ABI1: variants seen among roughly 807,000 people sequenced by gnomAD.
ABI1 encodes the protein abl interactor 1, also known as Abelson interactor 1.
Under a neutral mutation model 54.6 loss-of-function variants are expected in ABI1, and 14 were observed. That is an observed-to-expected ratio of 0.26 (90% CI 0.17 to 0.40). The LOEUF is 0.40. Ranked by LOEUF, ABI1 falls within the 10% of genes least tolerant of loss-of-function variation. The pLI, the probability that ABI1 is intolerant of heterozygous loss-of-function variation, is 1.00. For synonymous variants in ABI1, 194 were observed against 209.3 expected (o/e 0.93, Z 0.63); for missense variants, 443 against 598.3 (o/e 0.74, Z 2.71).
chr10:26,764,467 T>G lies in ABI1; in HGVS notation c.820+751A>C, dbSNP rs1399828474. On this transcript the variant is annotated intron_variant, in intron 7 of 10. Coordinates refer to ENST00000376140, the MANE Select transcript of ABI1 (RefSeq NM_001012750.3). ...AATAAGCAAACACCAGAGTAGATAC[T>G]GGCCTGTAAAGCAACATTAAAACTC... Among the ~76,000 whole-genome samples the G allele has an allele frequency of 2.0e-5, 3 of 152,318 alleles. No homozygotes were observed. The East Asian group carries it at 5.8e-4, about 29-fold the overall frequency.
intron 9 of ABI1, among the ~76,000 whole-genome samples, chr10:26,754,173 CTATT>C (rs754005525): frequency 4.4e-4 from 67 of 152,202 alleles, no homozygotes; most frequent in African/African-American, 9.4e-4. Context: ...TTTTTGCACT[CTATT>C]TATTTTTGCA....
intron 1 of ABI1, among the ~76,000 whole-genome samples, chr10:26,831,733 A>C (rs1355451834): frequency 3.1e-5 from 1 of 31,930 alleles, no homozygotes; most frequent in Non-Finnish European, 4.5e-5. Flanking sequence ...GGTATCTTGT[A>C]AAAAAAATCC....
chr10:26,816,040 G>A (rs137956715), intron 2 of ABI1, among the ~76,000 whole-genome samples: 6 of 152,290 alleles, frequency 3.9e-5, no homozygotes, highest in Admixed American at 1.3e-4. Flanking sequence ...GTTACCAATC[G>A]TGTCTTTGTT....
rs577319053 is a variant in ABI1 at position 26,824,250 on chromosome 10, A to T, written c.118-945T>A. On this transcript the variant is annotated intron_variant, in intron 1 of 10. Transcript: ENST00000376140. ...TTTCTCATTCACCCAAATGACAAAT[A>T]TACAAAAGTCTGACAAGACACTCAG... is the stretch of plus-strand genomic sequence containing the variant. 1.6e-4 allele frequency among the ~76,000 whole-genome samples: 24 copies of T among 152,364 alleles called. 1 individual carries two copies. Among genetic ancestry groups the T allele is most frequent in the South Asian group, 1.2e-3 (6 of 4,826 alleles).
At chr10:26,765,349 C>CA in intron 6 of ABI1, 31 bp from the exon 7 acceptor site, 1 of 1,478,526 alleles carries the variant, frequency 6.8e-7, no homozygotes, top group East Asian at 2.3e-5. Context: ...TGTGAAAAAC[C>CA]AATTCTAGAG....
At chr10:26,821,948 G>T (rs1038436646) in intron 2 of ABI1, among the ~76,000 whole-genome samples, 1 of 152,028 alleles carries the variant, frequency 6.6e-6, no homozygotes, top group Non-Finnish European at 1.5e-5. Context: ...TATCCACAAA[G>T]GAAATTAAAT....
intron 2 of ABI1, among the ~76,000 whole-genome samples, chr10:26,809,743 G>A (rs188818158): frequency 3.3e-5 from 5 of 152,218 alleles, no homozygotes; most frequent in Non-Finnish European, 1.5e-5. Context: ...CAAAAACTGT[G>A]AGAAAACAGC....
At position 26,823,146 on chromosome 10, in the gene ABI1, T is replaced by C. The variant is rs780341943; in HGVS notation, c.277A>G (p.Ile93Val). 6.3e-7 allele frequency: 1 copy of C among 1,596,436 alleles called. No individual in the cohort carries two copies. Among genetic ancestry groups the C allele is most frequent in the Non-Finnish European group, 8.5e-7 (1 of 1,174,944 alleles). ...LRRMESSINH[I>V]SQTVDIHKEK... ...ATTTTATAAGCTGTTACCTGTGAGA[T>C]ATGATTGATGGAAGACTCCATTCTC... Residue 93 changes from isoleucine to valine, a missense_variant, in exon 2 of 11, where the codon ATC becomes GTC. Physicochemically the swap from Ile to Val is conservative, Grantham distance 29. This residue lies in a region of ABI1 where 394 missense variants were observed against 484.8 expected (regional missense o/e 0.81). Transcript: ENST00000376140.
chr10:26,817,757 C>T (rs1315870489), intron 2 of ABI1, among the ~76,000 whole-genome samples: 3 of 152,130 alleles, frequency 2.0e-5, no homozygotes, highest in African/African-American at 7.2e-5. Flanking sequence ...GCAAAAATCT[C>T]TTTTAGATAT....
At chr10:26,770,557 A>T in intron 4 of ABI1, 1 of 720,738 alleles carries the variant, frequency 1.4e-6, no homozygotes, top group Non-Finnish European at 2.6e-6. Context: ...CATTGTAGCC[A>T]AATACAGGTG....
At chr10:26,845,146 T>TTA (rs780371926) in intron 1 of ABI1, among the ~76,000 whole-genome samples, 1 of 146,182 alleles carries the variant, frequency 6.8e-6, no homozygotes, top group Non-Finnish European at 1.5e-5. Context: ...CTAAATGCTT[T>TTA]AAAAAAAAAA....
intron 1 of ABI1, among the ~76,000 whole-genome samples, chr10:26,826,670 G>A (rs1013835399): frequency 1.3e-5 from 2 of 152,146 alleles, no homozygotes; most frequent in Admixed American, 6.5e-5. Context: ...AGCAACCTTC[G>A]ATAATCTTAG....
intron 1 of ABI1, among the ~76,000 whole-genome samples, chr10:26,828,644 T>C (rs1056586967): frequency 1.3e-5 from 2 of 152,228 alleles, no homozygotes; most frequent in African/African-American, 4.8e-5. Context: ...GAAACCACTC[T>C]ACAAGTGGCT....
intron 1 of ABI1, among the ~76,000 whole-genome samples, chr10:26,857,848 C>CAAAA (rs1168285053): frequency 5.0e-5 from 5 of 100,178 alleles, no homozygotes; most frequent in Non-Finnish European, 9.8e-5. Flanking sequence ...AAGTCTGTCT[C>CAAAA]AAAAAAAAAA....
intron 1 of ABI1, among the ~76,000 whole-genome samples, chr10:26,837,711 T>G (rs1291428810): frequency 6.6e-6 from 1 of 152,060 alleles, no homozygotes; most frequent in Admixed American, 6.5e-5. Context: ...GCCTCCCAGT[T>G]TCAAGCAATT....
chr10:26,753,003 A>G (rs1489974853), intron 9 of ABI1, among the ~76,000 whole-genome samples: 1 of 152,124 alleles, frequency 6.6e-6, no homozygotes. Flanking sequence ...GTGATCAAAG[A>G]AATCAGCCAT....
intron 2 of ABI1, among the ~76,000 whole-genome samples, chr10:26,786,175 T>C (rs970044034): frequency 6.6e-6 from 1 of 152,106 alleles, no homozygotes; most frequent in Non-Finnish European, 1.5e-5. Flanking sequence ...TTCATTGATG[T>C]TACAAAACGT....
At chr10:26,855,105 C>T (rs893449777) in intron 1 of ABI1, among the ~76,000 whole-genome samples, 2 of 152,078 alleles carry the variant, frequency 1.3e-5, no homozygotes, top group African/African-American at 2.4e-5. Flanking sequence ...TGCAAACATT[C>T]CAAAATTCAA....
rs763290389 is a variant in ABI1, at chr10:26,771,098, T to A, written c.463-9A>T. ...ACCTTGGCTTTTAGCCACTTTACGTTGGCAAAAAAAGGGGGGGAAAAAGTA... is the reference window on the plus strand; with the variant it reads ...ACCTTGGCTTTTAGCCACTTTACGTAGGCAAAAAAAGGGGGGGAAAAAGTA... On this transcript the variant is annotated splice_polypyrimidine_tract_variant and intron_variant, in intron 3 of 10. Coordinates refer to ENST00000376140, the MANE Select transcript of ABI1 (RefSeq NM_001012750.3). The A allele has an allele frequency of 1.2e-6, 2 of 1,613,386 alleles. No individual in the cohort carries two copies. The highest frequency in any genetic ancestry group is 2.2e-5 in the South Asian group (2 of 91,064).
Sources: gnomAD v4.1 joint callset for allele counts (sites outside exome capture counted in the v4.1 genomes callset) on GRCh38, gnomAD v4.1.1 for gene constraint, gnomAD v4.1.1 regional missense constraint, MANE v1.5 for transcripts, NCBI Gene and HGNC (gene_info 2026-07-23, HGNC 2026-07-21) for gene names.